Variants in FHIT observed in about 807,000 individuals in gnomAD.
FHIT encodes the protein bis(5'-adenosyl)-triphosphatase.
Under a neutral mutation model 17.9 loss-of-function variants are expected in FHIT, and 19 were observed. The observed-to-expected ratio is 1.06, with a 90% CI of 0.74 to 1.56. The LOEUF (loss-of-function observed/expected upper bound fraction) is 1.56. FHIT is among the 40% of genes most tolerant of loss of function. The pLI is 0.00. For synonymous variants in FHIT, 81 were observed against 69.7 expected, an observed-to-expected ratio of 1.16 and a Z score of -0.81; for missense variants, 248 against 189.2, an observed-to-expected ratio of 1.31 and a Z score of -1.82.
chr3:59,966,767 G>A lies in FHIT; in HGVS notation c.280-44353C>T, dbSNP rs180837606. Among the ~76,000 whole-genome samples, 632 of 152,108 alleles carry A rather than the reference G, an allele frequency of 4.2e-3. 5 individuals carry two copies. Among genetic ancestry groups the A allele is most frequent in the African/African-American group, 0.015 (604 of 41,498 alleles). ...GCTTTGGGTGAGTCAGTGAGTAAGGGGTGACTGAATTTGAAGGCCTGGGGC... is the reference window on the plus strand; with the variant it reads ...GCTTTGGGTGAGTCAGTGAGTAAGGAGTGACTGAATTTGAAGGCCTGGGGC... On this transcript the variant is annotated intron_variant, in intron 7 of 9. Transcript: ENST00000492590.
At chr3:59,956,367 CCA>C (rs1559496842) in intron 7 of FHIT, among the ~76,000 whole-genome samples, 4,000 of 151,774 alleles carry the variant, frequency 0.026, 196 homozygotes, top group African/African-American at 0.092. Flanking sequence ...GACCTATTTG[CCA>C]AAAAAGAAAA....
chr3:59,815,171 G>A (rs540105596), intron 8 of FHIT, among the ~76,000 whole-genome samples: 1 of 152,126 alleles, frequency 6.6e-6, no homozygotes, highest in Non-Finnish European at 1.5e-5. Flanking sequence ...ATGAGGTCTT[G>A]TCTGTCTGTT....
intron 3 of FHIT, among the ~76,000 whole-genome samples, chr3:61,003,876 A>G (rs1374339205): frequency 6.6e-6 from 1 of 152,270 alleles, no homozygotes; most frequent in Non-Finnish European, 1.5e-5. Context: ...ATATTTACAG[A>G]TATAACACAT....
chr3:59,907,445 T>C (rs573567309), intron 8 of FHIT, among the ~76,000 whole-genome samples: 1 of 152,114 alleles, frequency 6.6e-6, no homozygotes, highest in Non-Finnish European at 1.5e-5. Flanking sequence ...GCTGCCCCAG[T>C]GTGAGAGAGA....
intron 3 of FHIT, among the ~76,000 whole-genome samples, chr3:61,027,677 A>G (rs1380545247): frequency 6.6e-6 from 1 of 152,202 alleles, no homozygotes; most frequent in Non-Finnish European, 1.5e-5. Flanking sequence ...CCATTCTTCC[A>G]GTATTATAAA....
chr3:60,889,013 G>A (rs1180395130), intron 3 of FHIT, among the ~76,000 whole-genome samples: 7 of 151,942 alleles, frequency 4.6e-5, no homozygotes, highest in South Asian at 2.1e-4. Context: ...TAACTTCCTC[G>A]TAAAGTAACC....
intron 3 of FHIT, among the ~76,000 whole-genome samples, chr3:61,028,728 C>T (rs2032861240): frequency 6.6e-6 from 1 of 152,100 alleles, no homozygotes; most frequent in South Asian, 2.1e-4. Flanking sequence ...TACCCCAGTG[C>T]CCCATAATTC....
At chr3:60,264,440 G>A (rs1354113934) in intron 5 of FHIT, among the ~76,000 whole-genome samples, 2 of 151,758 alleles carry the variant, frequency 1.3e-5, no homozygotes, top group Non-Finnish European at 2.9e-5. Flanking sequence ...TTATCACAGT[G>A]GAAAATTATC....
chr3:61,139,590 T>A (rs148976407), intron 2 of FHIT, among the ~76,000 whole-genome samples: 83 of 152,222 alleles, frequency 5.5e-4, no homozygotes, highest in African/African-American at 1.9e-3. Context: ...TTGCCTCAAA[T>A]CCTTTGTAGA....
chr3:60,744,255 A>C (rs1343589543), intron 4 of FHIT, among the ~76,000 whole-genome samples: 1 of 54,608 alleles, frequency 1.8e-5, no homozygotes, highest in East Asian at 8.8e-4. Flanking sequence ...GTAAAAAAAA[A>C]AACAAAACAA....
chr3:59,850,032 A>G (rs192552033), intron 8 of FHIT, among the ~76,000 whole-genome samples: 1 of 152,130 alleles, frequency 6.6e-6, no homozygotes, highest in African/African-American at 2.4e-5. Context: ...ATTTTTTCCA[A>G]TGTGTTTTGA....
At chr3:60,597,264 C>T (rs2038300628) in intron 4 of FHIT, among the ~76,000 whole-genome samples, 1 of 151,992 alleles carries the variant, frequency 6.6e-6, no homozygotes, top group Non-Finnish European at 1.5e-5. Flanking sequence ...ACCTTTTCAT[C>T]GATTTCCAAT....
intron 5 of FHIT, among the ~76,000 whole-genome samples, chr3:60,128,419 A>G (rs1246242620): frequency 6.6e-6 from 1 of 152,168 alleles, no homozygotes; most frequent in Non-Finnish European, 1.5e-5. Context: ...CCCTTCTACC[A>G]TGACTATAAG....
At chr3:60,451,103 A>G (rs950836001) in intron 5 of FHIT, among the ~76,000 whole-genome samples, 2 of 152,188 alleles carry the variant, frequency 1.3e-5, no homozygotes, top group East Asian at 3.9e-4. Flanking sequence ...CGGTAAAACA[A>G]CAACTAATGA....
Position 60,626,127 on chromosome 3 carries a change from T to C in FHIT, c.-17-89148A>G, listed in dbSNP as rs116460358. Among the ~76,000 whole-genome samples, 203 of 152,320 alleles carry C rather than the reference T, an allele frequency of 1.3e-3. 1 individual carries two copies. The highest frequency in any genetic ancestry group is 4.7e-3 in the African/African-American group (197 of 41,578). ...CAGCACTACACTCTCTTGATCACTG[T>C]AGAGTTGTCATGAGTTCCGAAACCA... On this transcript the variant is annotated intron_variant, in intron 4 of 9. Coordinates refer to ENST00000492590, the MANE Select transcript of FHIT (RefSeq NM_002012.4).
intron 5 of FHIT, among the ~76,000 whole-genome samples, chr3:60,194,297 A>G (rs1241749308): frequency 6.6e-6 from 1 of 152,198 alleles, no homozygotes; most frequent in East Asian, 1.9e-4. Flanking sequence ...CTTAGGACCA[A>G]GTGATCTGAA....
At chr3:59,835,529 T>C (rs1000608343) in intron 8 of FHIT, among the ~76,000 whole-genome samples, 1 of 152,142 alleles carries the variant, frequency 6.6e-6, no homozygotes, top group Admixed American at 6.6e-5. Flanking sequence ...TGAATTGTCA[T>C]GAGTGAGCTT....
intron 4 of FHIT, among the ~76,000 whole-genome samples, chr3:60,677,456 C>A (rs1161052075): frequency 2.6e-5 from 4 of 152,152 alleles, no homozygotes; most frequent in Non-Finnish European, 5.9e-5. Context: ...ACCTCCTATT[C>A]CATCCATGTT....
intron 5 of FHIT, among the ~76,000 whole-genome samples, chr3:60,451,826 T>C (rs1316471752): frequency 6.6e-6 from 1 of 151,952 alleles, no homozygotes; most frequent in Non-Finnish European, 1.5e-5. Context: ...TCTAGCAATA[T>C]GGGAAAAAAA....
Sources: gnomAD v4.1 joint callset for allele counts (sites outside exome capture counted in the v4.1 genomes callset) on GRCh38, gnomAD v4.1.1 for gene constraint, MANE v1.5 for transcripts, NCBI Gene and HGNC (gene_info 2026-07-23, HGNC 2026-07-21) for gene names.